TSHZ3: variants seen among roughly 807,000 people sequenced by gnomAD.
TSHZ3 encodes the protein teashirt zinc finger homeobox 3.
TSHZ3 carries 10 observed loss-of-function variants against 64.5 expected under a neutral mutation model. That is an observed-to-expected ratio of 0.16 (90% CI 0.10 to 0.26). TSHZ3 has a LOEUF of 0.26. Among genes scored for constraint, TSHZ3 ranks in the 10% least tolerant of loss-of-function variants. The pLI, the probability that TSHZ3 is intolerant of heterozygous loss-of-function variation, is 1.00. For synonymous variants in TSHZ3, 608 were observed against 593.1 expected, an observed-to-expected ratio of 1.03 and a Z score of -0.36; for missense variants, 1,242 against 1,421.7, an observed-to-expected ratio of 0.87 and a Z score of 2.03.
intron 5 of TSHZ3, among the ~76,000 whole-genome samples, chr19:31,180,244 A>G (rs1217685267): frequency 6.6e-6 from 1 of 152,148 alleles, no homozygotes; most frequent in Non-Finnish European, 1.5e-5. Flanking sequence ...TGAATGAATG[A>G]ATGAACGAAT....
At position 31,287,911 on chromosome 19, in the gene TSHZ3, A is replaced by C. The variant is rs116901402; in HGVS notation, c.41-8159T>G. On this transcript the variant is annotated intron_variant, in intron 1 of 1. Transcript: ENST00000240587. ...TCCTCCTGCTTCCCTGAATACTCAG[A>C]TTTTCAAATGACAGAGGGTGATTTC... is the stretch of plus-strand genomic sequence containing the variant. 9.9e-3 allele frequency among the ~76,000 whole-genome samples: 1,507 copies of C among 151,938 alleles called. 16 individuals are homozygous for C. The highest frequency in any genetic ancestry group is 0.017 in the Non-Finnish European group (1,133 of 67,960).
At chr19:31,337,003 CTTTT>C (rs1309626799) in intron 1 of TSHZ3, among the ~76,000 whole-genome samples, 1 of 132,974 alleles carries the variant, frequency 7.5e-6, no homozygotes, top group Non-Finnish European at 1.6e-5. Flanking sequence ...CTTTCTTTTT[CTTTT>C]TTTCTATTTT....
In TSHZ3 at chr19:31,193,685, T is replaced by G. The variant is rs1052441539; in HGVS notation, n.809+11271A>C. On this transcript the variant is annotated intron_variant and non_coding_transcript_variant, in intron 5 of 6. Coordinates refer to the TSHZ3 transcript ENST00000651361. ...GTTTTTCCAGGACAGTGCGAGCCTT[T>G]GTAAAGGACTTAAAATCTGTAAAGC... 4.6e-5 allele frequency among the ~76,000 whole-genome samples: 7 copies of G among 152,326 alleles called. No individual in the cohort carries two copies. The East Asian group carries it at 5.8e-4, about 13-fold the overall frequency.
intron 1 of TSHZ3, among the ~76,000 whole-genome samples, chr19:31,333,849 G>C (rs1736598900): frequency 6.6e-6 from 1 of 152,170 alleles, no homozygotes; most frequent in South Asian, 2.1e-4. Context: ...ATAAGTACTT[G>C]TTTGTTGAAC....
intron 3 of TSHZ3, among the ~76,000 whole-genome samples, chr19:31,233,454 A>T (rs1288286624): frequency 2.0e-5 from 3 of 152,128 alleles, no homozygotes; most frequent in African/African-American, 7.2e-5. Flanking sequence ...TCTATTATTC[A>T]GTTGTAAGAG....
intron 1 of TSHZ3, 138 bp downstream of exon 1, chr19:31,349,042 C>G: frequency 1.7e-6 from 2 of 1,150,898 alleles, no homozygotes; most frequent in Non-Finnish European, 2.3e-6. Context: ...CGCACGCACC[C>G]AAACAGGAGA....
At chr19:31,285,679 G>A (rs1410468598) in intron 1 of TSHZ3, among the ~76,000 whole-genome samples, 1 of 148,552 alleles carries the variant, frequency 6.7e-6, no homozygotes, top group Non-Finnish European at 1.5e-5. Flanking sequence ...AGCTACTTGA[G>A]AGGCTGAGGC....
At chr19:31,240,723 G>T (rs533842118) in intron 3 of TSHZ3, among the ~76,000 whole-genome samples, 1 of 151,528 alleles carries the variant, frequency 6.6e-6, no homozygotes, top group Non-Finnish European at 1.5e-5. Context: ...CTTTTTTTCC[G>T]TATATGTTAT....
chr19:31,334,145 G>A (rs1045336064), intron 1 of TSHZ3, among the ~76,000 whole-genome samples: 13 of 151,992 alleles, frequency 8.6e-5, no homozygotes, highest in African/African-American at 1.5e-4. Context: ...TAACCATCTC[G>A]GTAGGAACCT....
chr19:31,278,366 T>C lies in TSHZ3; in HGVS notation c.1427A>G (p.Lys476Arg). 1 of 1,614,188 alleles carries C rather than the reference T, an allele frequency of 6.2e-7. No individual in the cohort carries two copies. The highest frequency in any genetic ancestry group is 1.7e-5 in the Admixed American group (1 of 60,030). ...TTTCTCGTCAGTGACCGCTTTCTCC[T>C]TGTCGACTTCCTTCTTGACCTCCAC... ...LNVEVKKEVDKEKAVTDEKPK... is the reference protein window; with the variant it reads ...LNVEVKKEVDREKAVTDEKPK... The change falls in exon 2 of 2, where the codon AAG becomes AGG. Residue 476 changes from lysine (K) to arginine (R), a missense_variant. By Grantham distance (26) the Lys-to-Arg change is conservative (BLOSUM62 2). Coordinates refer to ENST00000240587, the MANE Select transcript of TSHZ3 (RefSeq NM_020856.4). The surrounding 1 kb of genome is among the most constrained non-coding windows in gnomAD (Gnocchi z 4.7).
chr19:31,218,748 AG>A (rs1975363475), intron 4 of TSHZ3, among the ~76,000 whole-genome samples: 1 of 152,264 alleles, frequency 6.6e-6, no homozygotes, highest in Non-Finnish European at 1.5e-5. Flanking sequence ...GCCATAAAAA[AG>A]GCCTGGAGAA....
rs1197598201 is a variant in TSHZ3 at position 31,275,589 on chromosome 19, TATTC to T, written c.*954_*957del. 12 of 152,656 alleles carry T rather than the reference TATTC, an allele frequency of 7.9e-5. No individual in the cohort carries two copies. The highest frequency in any genetic ancestry group is 1.2e-4 in the Non-Finnish European group (8 of 68,044). The allele number at this position is 152,656 out of a possible 1,614,324, so 9.5% of individuals were successfully genotyped here. On this transcript the variant is annotated 3_prime_UTR_variant, in exon 2 of 2. Transcript: ENST00000240587. ...CAGGGATGTCTTTCCCGGTCTCGTTTATTCAGACTGCTCAAAACAAATGACAATA... is the reference window on the plus strand; with the variant it reads ...CAGGGATGTCTTTCCCGGTCTCGTTTAGACTGCTCAAAACAAATGACAATA...
exon 7 of TSHZ3, among the ~76,000 whole-genome samples, chr19:31,151,535 GCTT>G (rs1305319987): frequency 6.6e-6 from 1 of 152,136 alleles, no homozygotes. Context: ...TGAGGGAGGA[GCTT>G]CTTCTACTAT....
chr19:31,235,167 C>A (rs1975589355), intron 3 of TSHZ3, among the ~76,000 whole-genome samples: 1 of 152,186 alleles, frequency 6.6e-6, no homozygotes, highest in South Asian at 2.1e-4. Context: ...ATACCCTTCA[C>A]CTCGCACAAT....
chr19:31,331,610 G>T (rs980402378), intron 1 of TSHZ3, among the ~76,000 whole-genome samples: 2 of 152,112 alleles, frequency 1.3e-5, no homozygotes, highest in Non-Finnish European at 2.9e-5. Context: ...GAAATGCCAT[G>T]GACGCACAGA....
chr19:31,254,293 G>C (rs1466074744), intron 1 of TSHZ3, among the ~76,000 whole-genome samples: 1 of 152,216 alleles, frequency 6.6e-6, no homozygotes, highest in Non-Finnish European at 1.5e-5. Context: ...GGGTACCAGA[G>C]TGCTGTGCCC....
intron 5 of TSHZ3, among the ~76,000 whole-genome samples, chr19:31,183,388 T>C (rs2038127427): frequency 6.6e-6 from 1 of 152,170 alleles, no homozygotes; most frequent in South Asian, 2.1e-4. Flanking sequence ...TCATGAAAGA[T>C]ATGTTGCATG....
Position 31,150,771 on chromosome 19 carries a change from C to T in TSHZ3, n.1845G>A, listed in dbSNP as rs79873167. On this transcript the variant is annotated non_coding_transcript_exon_variant, in exon 7 of 7. Transcript: ENST00000651361. ...TTGTAGTTCTGAAGCAAGGAATGGG[C>T]GTTGGGCACACCTGTACCACCGAAG... 4.1e-3 allele frequency among the ~76,000 whole-genome samples: 627 copies of T among 152,192 alleles called. 6 individuals carry two copies. The highest frequency in any genetic ancestry group is 0.014 in the African/African-American group (598 of 41,536).
intron 4 of TSHZ3, among the ~76,000 whole-genome samples, chr19:31,214,408 T>C (rs772773026): frequency 6.6e-6 from 1 of 152,202 alleles, no homozygotes; most frequent in Non-Finnish European, 1.5e-5. Flanking sequence ...CTCTGCCCCA[T>C]ACCTGAGTCC....
Sources: allele counts gnomAD v4.1 joint callset (sites outside exome capture counted in the v4.1 genomes callset), GRCh38; gene constraint gnomAD v4.1.1; non-coding constraint Gnocchi (gnomAD v3.1); transcripts MANE v1.5; gene names NCBI Gene and HGNC (gene_info 2026-07-23, HGNC 2026-07-21).